Variants in MSRA observed in about 807,000 individuals in gnomAD.
MSRA encodes the protein mitochondrial peptide methionine sulfoxide reductase.
MSRA carries 54 observed loss-of-function variants against 31.3 expected under a neutral mutation model. The ratio of observed to expected loss-of-function variants is 1.73; its 90% confidence interval spans 1.39 to 2.17. The LOEUF is 2.17. Ranked by LOEUF, MSRA falls within the 30% of genes most tolerant of loss-of-function variation. The probability of loss-of-function intolerance (pLI) is 0.00; values close to 1 mark genes in which losing one functional copy is unlikely to be tolerated. For synonymous variants in MSRA, 169 were observed against 116.5 expected, an observed-to-expected ratio of 1.45 and a Z score of -2.90; for missense variants, 507 against 300.9, an observed-to-expected ratio of 1.69 and a Z score of -5.07.
chr8:10,331,012 A>C (rs1194987972), intron 5 of MSRA, among the ~76,000 whole-genome samples: 1 of 152,196 alleles, frequency 6.6e-6, no homozygotes. Flanking sequence ...AAGAGACACC[A>C]GGGAGCAGGC....
chr8:10,260,751 G>A (rs1798436966), intron 3 of MSRA, among the ~76,000 whole-genome samples: 1 of 152,186 alleles, frequency 6.6e-6, no homozygotes. Flanking sequence ...ATTACATTGT[G>A]TGCGTGTGTG....
At chr8:10,216,381 G>T (rs1426252522) in intron 2 of MSRA, among the ~76,000 whole-genome samples, 1 of 152,156 alleles carries the variant, frequency 6.6e-6, no homozygotes, top group Non-Finnish European at 1.5e-5. Flanking sequence ...TCAGTTGGTT[G>T]CATGATGGAC....
intron 1 of MSRA, among the ~76,000 whole-genome samples, chr8:10,182,157 A>G (rs1407686032): frequency 1.3e-5 from 2 of 152,058 alleles, no homozygotes; most frequent in Admixed American, 6.6e-5. Flanking sequence ...TGCTTGGTTT[A>G]TCCTCTAAGC....
At chr8:10,251,123 C>G (rs75802922) in intron 3 of MSRA, among the ~76,000 whole-genome samples, 3 of 151,880 alleles carry the variant, frequency 2.0e-5, no homozygotes, top group Non-Finnish European at 4.4e-5. Flanking sequence ...TTTCCAAATG[C>G]GTGTGATTTT....
intron 1 of MSRA, among the ~76,000 whole-genome samples, chr8:10,113,397 G>C (rs1281174367): frequency 6.8e-6 from 1 of 147,838 alleles, no homozygotes; most frequent in Non-Finnish European, 1.5e-5. Context: ...TGGCAGACTG[G>C]GATAAAGGGC....
At chr8:10,404,437 G>A (rs925350364) in intron 5 of MSRA, among the ~76,000 whole-genome samples, 1 of 152,242 alleles carries the variant, frequency 6.6e-6, no homozygotes, top group Non-Finnish European at 1.5e-5. Flanking sequence ...GGGCAGGCGG[G>A]TGTGGGATCC....
Position 10,312,427 on chromosome 8 carries a change from T to C in MSRA, c.437-7456T>C, listed in dbSNP as rs189277566. Among the ~76,000 whole-genome samples, 14 of 152,356 alleles carry C rather than the reference T, an allele frequency of 9.2e-5. No homozygotes were observed. In the East Asian group the frequency reaches 1.3e-3, roughly 15 times the overall value. On this transcript the variant is annotated intron_variant, in intron 4 of 5. Coordinates refer to ENST00000317173, the MANE Select transcript of MSRA (RefSeq NM_012331.5). ...AAGTTAGATACATTCTTTAAAAATA[T>C]AGTTTAATAAAACTGAATAAAGACA...
chr8:10,286,064 C>T (rs1040445712), intron 3 of MSRA, among the ~76,000 whole-genome samples: 5 of 152,008 alleles, frequency 3.3e-5, no homozygotes, highest in Non-Finnish European at 7.4e-5. Context: ...ATACTGTGGG[C>T]ACTGGGCACC....
intron 5 of MSRA, among the ~76,000 whole-genome samples, chr8:10,322,266 A>T (rs17151743): frequency 6.6e-6 from 1 of 151,978 alleles, no homozygotes; most frequent in Admixed American, 6.6e-5. Context: ...TGACCTTAGA[A>T]TAAATGAAAT....
In MSRA at chr8:10,358,902, G is replaced by A. The variant is rs1020129597; in HGVS notation, c.543+38913G>A. Among the ~76,000 whole-genome samples the A allele has an allele frequency of 3.1e-4, 47 of 152,140 alleles. 1 individual carries two copies. Among genetic ancestry groups the A allele is most frequent in the Non-Finnish European group, 4.8e-4 (33 of 68,042 alleles). On this transcript the variant is annotated intron_variant, in intron 5 of 5. Coordinates refer to ENST00000317173, the MANE Select transcript of MSRA (RefSeq NM_012331.5). ...CCACCAGCATTAGATTCTTATAGGA[G>A]CAGGAACCCTATTGTGAACTGCACG...
intron 1 of MSRA, among the ~76,000 whole-genome samples, chr8:10,185,244 C>T (rs142354014): frequency 2.3e-3 from 350 of 152,264 alleles, no homozygotes; most frequent in African/African-American, 7.8e-3. Context: ...GTATGCATCA[C>T]GACTGGGGCT....
intron 2 of MSRA, among the ~76,000 whole-genome samples, chr8:10,232,125 A>G (rs1226389262): frequency 6.6e-6 from 1 of 152,086 alleles, no homozygotes; most frequent in Non-Finnish European, 1.5e-5. Context: ...TGCCCTGGAA[A>G]TTGTTGTGTA....
At chr8:10,399,079 C>G (rs1289357156) in intron 5 of MSRA, among the ~76,000 whole-genome samples, 1 of 152,220 alleles carries the variant, frequency 6.6e-6, no homozygotes, top group Non-Finnish European at 1.5e-5. Context: ...CTGCCTCAAC[C>G]ATGGAATTTT....
chr8:10,388,105 T>C (rs1329671668), intron 5 of MSRA, among the ~76,000 whole-genome samples: 1 of 152,192 alleles, frequency 6.6e-6, no homozygotes, highest in Non-Finnish European at 1.5e-5. Context: ...TATTAACATG[T>C]ACATCTCATA....
chr8:10,359,554 C>T (rs1428449253), intron 5 of MSRA, among the ~76,000 whole-genome samples: 2 of 152,190 alleles, frequency 1.3e-5, no homozygotes, highest in Non-Finnish European at 2.9e-5. Context: ...TCCACCTCCT[C>T]CTCTTCCTCC....
At chr8:10,135,438 T>C (rs1197953737) in intron 1 of MSRA, among the ~76,000 whole-genome samples, 3 of 152,212 alleles carry the variant, frequency 2.0e-5, no homozygotes, top group Non-Finnish European at 4.4e-5. Flanking sequence ...AGTCATTTTA[T>C]TGTGCTGAAA....
At chr8:10,389,676 C>G (rs954815566) in intron 5 of MSRA, among the ~76,000 whole-genome samples, 5 of 151,166 alleles carry the variant, frequency 3.3e-5, no homozygotes, top group Non-Finnish European at 4.4e-5. Flanking sequence ...GCCATCCTCT[C>G]TCCAGTCCTG....
intron 1 of MSRA, among the ~76,000 whole-genome samples, chr8:10,191,800 T>C (rs530458285): frequency 1.3e-5 from 2 of 152,134 alleles, no homozygotes; most frequent in South Asian, 2.1e-4. Context: ...TGGAAAAAAA[T>C]TGCATTATTT....
At chr8:10,230,827 C>T (rs1270797486) in intron 2 of MSRA, among the ~76,000 whole-genome samples, 1 of 152,144 alleles carries the variant, frequency 6.6e-6, no homozygotes, top group African/African-American at 2.4e-5. Flanking sequence ...TCTCGTTGCC[C>T]AGGCTGGAGT....
Sources: allele counts gnomAD v4.1 joint callset (sites outside exome capture counted in the v4.1 genomes callset), GRCh38; gene constraint gnomAD v4.1.1; transcripts MANE v1.5; gene names NCBI Gene and HGNC (gene_info 2026-07-23, HGNC 2026-07-21).